The following TBC1D32 variants were observed in gnomAD, a reference collection of about 807,000 sequenced individuals.
The protein encoded by TBC1D32 is protein broad-minded.
TBC1D32 carries 151 observed loss-of-function variants against 170.3 expected under a neutral mutation model. That is an observed-to-expected ratio of 0.89 (90% confidence interval 0.78 to 1.01). The LOEUF (loss-of-function observed/expected upper bound fraction) is 1.01. Ranked by LOEUF, TBC1D32 falls within the 50% of genes least tolerant of loss-of-function variation. The probability of loss-of-function intolerance (pLI) is 0.00; values close to 1 mark genes in which losing one functional copy is unlikely to be tolerated. For missense variants in TBC1D32, 1,464 were observed against 1,457.1 expected, an observed-to-expected ratio of 1.00 and a Z score of -0.08; for synonymous variants, 498 against 488.0, an observed-to-expected ratio of 1.02 and a Z score of -0.27.
At chr6:121,103,841 T>C (rs1409173646) in intron 30 of TBC1D32, among the ~76,000 whole-genome samples, 3 of 151,958 alleles carry the variant, frequency 2.0e-5, no homozygotes, top group African/African-American at 7.2e-5. Flanking sequence ...AGGAAGATAC[T>C]GTTCCCAGTT....
chr6:121,293,277 T>C (rs1011591012), intron 11 of TBC1D32, among the ~76,000 whole-genome samples: 1 of 151,678 alleles, frequency 6.6e-6, no homozygotes, highest in African/African-American at 2.4e-5. Flanking sequence ...ATCTGTAAGT[T>C]TGTAAATGAG....
intron 22 of TBC1D32, among the ~76,000 whole-genome samples, chr6:121,175,840 C>G (rs1016063401): frequency 1.3e-5 from 2 of 151,884 alleles, no homozygotes. Context: ...CAAGATAATG[C>G]AAAAAGACAA....
intron 26 of TBC1D32, among the ~76,000 whole-genome samples, chr6:121,122,556 T>TA (rs57728251): frequency 0.11 from 15,754 of 148,586 alleles, 1,552 homozygotes; most frequent in African/African-American, 0.26. Flanking sequence ...TGAAGTGTGG[T>TA]AAAAAAAAAA....
At chr6:121,250,609 G>A (rs2128383580) in intron 17 of TBC1D32, among the ~76,000 whole-genome samples, 1 of 152,228 alleles carries the variant, frequency 6.6e-6, no homozygotes, top group South Asian at 2.1e-4. Context: ...AGCTATGTAT[G>A]ATAAACTTAC....
chr6:121,098,864 G>A (rs1777708974), intron 30 of TBC1D32, among the ~76,000 whole-genome samples: 1 of 151,786 alleles, frequency 6.6e-6, no homozygotes, highest in Non-Finnish European at 1.5e-5. Flanking sequence ...TCACAGGAAG[G>A]GAGAAGGTAT....
intron 11 of TBC1D32, among the ~76,000 whole-genome samples, chr6:121,294,114 T>C (rs896056179): frequency 2.0e-5 from 3 of 151,966 alleles, no homozygotes; most frequent in Non-Finnish European, 2.9e-5. Flanking sequence ...TTACGAAGCA[T>C]CCAAGACATT....
chr6:121,271,622 A>C (rs955847815), intron 15 of TBC1D32, among the ~76,000 whole-genome samples: 4 of 152,158 alleles, frequency 2.6e-5, no homozygotes, highest in African/African-American at 9.7e-5. Flanking sequence ...GAGGACACAA[A>C]CAAATGGAAG....
intron 22 of TBC1D32, among the ~76,000 whole-genome samples, chr6:121,182,845 A>G (rs1335559301): frequency 6.6e-6 from 1 of 151,500 alleles, no homozygotes; most frequent in Non-Finnish European, 1.5e-5. Context: ...AAGCAGGCTG[A>G]AAAAAAAAGT....
intron 24 of TBC1D32, among the ~76,000 whole-genome samples, chr6:121,143,093 G>A (rs118111402): frequency 8.0e-4 from 122 of 152,250 alleles, no homozygotes; most frequent in South Asian, 6.2e-4. Flanking sequence ...CATAATATAA[G>A]TTACAACATT....
chr6:121,113,207 A>G (rs747700614), intron 27 of TBC1D32, 30 bp from the exon 28 acceptor site: 9 of 1,434,888 alleles, frequency 6.3e-6, no homozygotes, highest in Admixed American at 2.0e-5. Flanking sequence ...AACATAAAAC[A>G]TATCAGGTCT....
At chr6:121,273,223 C>G (rs959846331) in intron 15 of TBC1D32, among the ~76,000 whole-genome samples, 1 of 150,688 alleles carries the variant, frequency 6.6e-6, no homozygotes, top group Non-Finnish European at 1.5e-5. Context: ...CAAACTTGCA[C>G]GTTCTGCACA....
chr6:121,168,360 C>A (rs892448629), intron 22 of TBC1D32, among the ~76,000 whole-genome samples: 5 of 140,100 alleles, frequency 3.6e-5, no homozygotes, highest in African/African-American at 1.3e-4. Flanking sequence ...GGCACATATA[C>A]ACCATGGAAT....
chr6:121,264,007 A>G (rs1800118643), intron 15 of TBC1D32, among the ~76,000 whole-genome samples: 1 of 152,150 alleles, frequency 6.6e-6, no homozygotes. Flanking sequence ...AATCGACACC[A>G]TAACATCAAA....
intron 21 of TBC1D32, among the ~76,000 whole-genome samples, chr6:121,220,640 C>CTTTT (rs923251281): frequency 6.3e-5 from 8 of 126,202 alleles, no homozygotes; most frequent in African/African-American, 1.5e-4. Flanking sequence ...TTTTCTTTTT[C>CTTTT]TTTTTTTTTT....
chr6:121,302,404 T>A (rs1172121032), intron 9 of TBC1D32, among the ~76,000 whole-genome samples: 1 of 152,176 alleles, frequency 6.6e-6, no homozygotes, highest in Admixed American at 6.6e-5. Context: ...TGAATTTTCA[T>A]GTATACTAGA....
At chr6:121,234,071 A>T (rs1425865388) in intron 20 of TBC1D32, among the ~76,000 whole-genome samples, 1 of 152,216 alleles carries the variant, frequency 6.6e-6, no homozygotes, top group African/African-American at 2.4e-5. Flanking sequence ...GTTTCTGGTG[A>T]GAAATCTGTT....
At chr6:121,153,144 A>G (rs55877152) in intron 24 of TBC1D32, among the ~76,000 whole-genome samples, 4,903 of 151,842 alleles carry the variant, frequency 0.032, 265 homozygotes, top group African/African-American at 0.11. Context: ...GGATTTATCT[A>G]CCTTTGGTCT....
At chr6:121,269,957 C>T (rs1189222562) in intron 15 of TBC1D32, among the ~76,000 whole-genome samples, 1 of 152,082 alleles carries the variant, frequency 6.6e-6, no homozygotes, top group African/African-American at 2.4e-5. Context: ...GATTAAGAAA[C>T]TCACTCAAAA....
intron 17 of TBC1D32, among the ~76,000 whole-genome samples, chr6:121,252,203 C>A: frequency 6.6e-6 from 1 of 152,142 alleles, no homozygotes; most frequent in Non-Finnish European, 1.5e-5. Flanking sequence ...TACCATTTGA[C>A]CCCTCAATCC....
Sources: allele counts gnomAD v4.1 joint callset (sites outside exome capture counted in the v4.1 genomes callset), GRCh38; gene constraint gnomAD v4.1.1; transcripts MANE v1.5; gene names NCBI Gene and HGNC (gene_info 2026-07-23, HGNC 2026-07-21).